Variants in CTNNA3 observed in about 807,000 individuals in gnomAD.
The protein encoded by CTNNA3 is catenin alpha-3.
A neutral mutation model predicts 95.7 loss-of-function variants in CTNNA3; 76 were observed. The ratio of observed to expected loss-of-function variants is 0.79; its 90% confidence interval spans 0.66 to 0.96. CTNNA3 has a LOEUF of 0.96. CTNNA3 is among the 40% of genes least tolerant of loss of function. The pLI is 0.00. For missense variants in CTNNA3, 1,191 were observed against 1,089.8 expected (o/e 1.09, Z -1.31); for synonymous variants, 431 against 374.4 (o/e 1.15, Z -1.74).
intron 3 of CTNNA3, among the ~76,000 whole-genome samples, chr10:67,553,893 A>G (rs750493073): frequency 4.6e-5 from 7 of 152,012 alleles, no homozygotes; most frequent in Non-Finnish European, 1.0e-4. Context: ...ATATCTCCTA[A>G]TGCTATCCCT....
chr10:67,458,577 T>C (rs1221538903), intron 5 of CTNNA3, among the ~76,000 whole-genome samples: 2 of 149,972 alleles, frequency 1.3e-5, no homozygotes, highest in Non-Finnish European at 3.0e-5. Flanking sequence ...AGAAAAGGAG[T>C]CCTCTTCTAG....
intron 14 of CTNNA3, among the ~76,000 whole-genome samples, chr10:66,072,159 T>A (rs950122590): frequency 6.6e-6 from 1 of 152,208 alleles, no homozygotes; most frequent in South Asian, 2.1e-4. Flanking sequence ...ATTTGAATTT[T>A]ACATAATTTT....
intron 7 of CTNNA3, among the ~76,000 whole-genome samples, chr10:66,848,040 C>T (rs919333090): frequency 2.0e-5 from 3 of 151,930 alleles, no homozygotes; most frequent in Non-Finnish European, 4.4e-5. Flanking sequence ...GATGAACATG[C>T]TATATGTGGA....
chr10:66,034,336 C>T (rs1220944771), intron 15 of CTNNA3, among the ~76,000 whole-genome samples: 2 of 152,012 alleles, frequency 1.3e-5, no homozygotes, highest in African/African-American at 4.8e-5. Flanking sequence ...TCTCGGCATA[C>T]TTCTCTATTC....
At chr10:67,387,471 C>A (rs908674989) in intron 5 of CTNNA3, among the ~76,000 whole-genome samples, 1 of 152,144 alleles carries the variant, frequency 6.6e-6, no homozygotes, top group Non-Finnish European at 1.5e-5. Flanking sequence ...AAGGCAGCAG[C>A]GAGGCTGGGG....
rs2077044675 is a variant in CTNNA3 at position 65,919,241 on chromosome 10, A to G, written c.*1089T>C. On this transcript the variant is annotated 3_prime_UTR_variant, in exon 18 of 18. Coordinates refer to ENST00000433211, the MANE Select transcript of CTNNA3 (RefSeq NM_013266.4). ...AAGTCCATTATGAACTCAACTAGGA[A>G]TGAACACAGTGACTGGAGTTGTAAA... is the stretch of plus-strand genomic sequence containing the variant. The G allele has an allele frequency of 6.6e-6, 1 of 152,140 alleles. No individual in the cohort carries two copies. Among genetic ancestry groups the G allele is most frequent in the Non-Finnish European group, 1.5e-5 (1 of 68,016 alleles). 9.4% of individuals were successfully genotyped at this position (152,140 alleles called of 1,614,324 possible).
intron 3 of CTNNA3, among the ~76,000 whole-genome samples, chr10:67,541,525 T>C (rs1032526137): frequency 2.0e-5 from 3 of 152,032 alleles, no homozygotes; most frequent in African/African-American, 7.2e-5. Flanking sequence ...CAAATTCATA[T>C]ATTCCCCCTC....
In CTNNA3 at chr10:66,280,472, G is replaced by T. The variant is rs149081490; in HGVS notation, c.1882C>A (p.Arg628=). Reference sequence around the variant, plus strand: ...AATGGAAGGAAAAGCAAACTTACCCGAATCATCATGACTGAACATCTGATA... The same window carrying T: ...AATGGAAGGAAAAGCAAACTTACCCTAATCATCATGACTGAACATCTGATA... ...HDIRCSVMMI[R]TPEELEDVSD... is the part of the protein sequence containing the mutation. Residue 628 remains arginine (R), a splice_region_variant and synonymous_variant, in exon 13 of 18, where the codon CGG becomes AGG. Transcript: ENST00000433211. 1 of 1,601,396 alleles carries T rather than the reference G, an allele frequency of 6.2e-7. No homozygotes were observed. The highest frequency in any genetic ancestry group is 1.1e-5 in the South Asian group (1 of 89,202).
At chr10:66,150,382 C>T (rs1458789528) in intron 13 of CTNNA3, among the ~76,000 whole-genome samples, 1 of 152,084 alleles carries the variant, frequency 6.6e-6, no homozygotes, top group Non-Finnish European at 1.5e-5. Context: ...TGGAAATTGC[C>T]CGTCTCGGGT....
intron 6 of CTNNA3, 58 bp downstream of exon 6, chr10:67,219,546 TTTA>T (rs1015709972): frequency 5.8e-5 from 86 of 1,492,926 alleles, no homozygotes; most frequent in South Asian, 2.3e-4. Context: ...CTTCTTCTGT[TTTA>T]TTATTATTAT....
intron 12 of CTNNA3, among the ~76,000 whole-genome samples, chr10:66,345,433 T>A (rs922889768): frequency 4.6e-5 from 7 of 152,154 alleles, no homozygotes; most frequent in Non-Finnish European, 1.0e-4. Flanking sequence ...GAATGGCTGA[T>A]GGACTCTGCT....
At position 67,239,470 on chromosome 10, in the gene CTNNA3, T is replaced by C. The variant is rs537798804; in HGVS notation, c.580-19600A>G. ...TAACCTATCATTTTAAAAATCAAAA[T>C]AGTGGTTATTCTTTGGGGGGTGATT... On this transcript the variant is annotated intron_variant, in intron 5 of 17. Transcript: ENST00000433211. 1.0e-3 allele frequency among the ~76,000 whole-genome samples: 156 copies of C among 151,860 alleles called. 1 individual carries two copies. Among genetic ancestry groups the C allele is most frequent in the African/African-American group, 3.7e-3 (152 of 41,414 alleles).
At chr10:67,648,669 C>T (rs1839790972) in intron 1 of CTNNA3, 2 of 1,080,314 alleles carry the variant, frequency 1.9e-6, no homozygotes, top group Non-Finnish European at 2.4e-6. Context: ...ATCAAAGTTT[C>T]AAATTACTGT....
intron 7 of CTNNA3, among the ~76,000 whole-genome samples, chr10:67,067,051 AC>A (rs1856135502): frequency 6.6e-6 from 1 of 152,184 alleles, no homozygotes; most frequent in Non-Finnish European, 1.5e-5. Context: ...AGTGGCAACC[AC>A]TTCTGAATGA....
chr10:66,449,249 A>G (rs1409685039), intron 11 of CTNNA3, among the ~76,000 whole-genome samples: 1 of 152,092 alleles, frequency 6.6e-6, no homozygotes, highest in Non-Finnish European at 1.5e-5. Context: ...GAATCCACAG[A>G]TTACGGGAAA....
Position 66,388,182 on chromosome 10 carries a change from A to G in CTNNA3, c.1532-8830T>C, listed in dbSNP as rs1168471076. Among the ~76,000 whole-genome samples, 3 of 152,130 alleles carry G rather than the reference A, an allele frequency of 2.0e-5. No homozygotes were observed. In the South Asian group the frequency reaches 6.2e-4, roughly 32 times the overall value. On this transcript the variant is annotated intron_variant, in intron 11 of 17. Transcript: ENST00000433211. ...AAATGCAACATATATGTATTCAACG[A>G]ATGTTTACTCTGTATTCACTAAGGT... is the stretch of plus-strand genomic sequence containing the variant.
intron 15 of CTNNA3, among the ~76,000 whole-genome samples, chr10:65,990,256 T>G (rs2078515404): frequency 6.6e-6 from 1 of 152,086 alleles, no homozygotes; most frequent in African/African-American, 2.4e-5. Context: ...GGAGTGAGAT[T>G]GCTAGATCAT....
chr10:66,111,014 G>T (rs1019751605), intron 13 of CTNNA3, among the ~76,000 whole-genome samples: 18 of 152,302 alleles, frequency 1.2e-4, no homozygotes, highest in Admixed American at 9.8e-4. Flanking sequence ...GTAAGGTGTT[G>T]TGTCACGATG....
chr10:66,600,875 G>A (rs896873426), intron 10 of CTNNA3, among the ~76,000 whole-genome samples: 1 of 151,846 alleles, frequency 6.6e-6, no homozygotes, highest in Admixed American at 6.6e-5. Context: ...TTTACAGCAA[G>A]GGGTAGTAGA....
Sources: allele counts gnomAD v4.1 joint callset (sites outside exome capture counted in the v4.1 genomes callset), GRCh38; gene constraint gnomAD v4.1.1; transcripts MANE v1.5; gene names NCBI Gene and HGNC (gene_info 2026-07-23, HGNC 2026-07-21).